The following MGAT4C variants were observed in gnomAD, a reference collection of about 807,000 sequenced individuals.
The protein encoded by MGAT4C is MGAT4 family member C, also known as alpha-1,3-mannosyl-glycoprotein 4-beta-N-acetylglucosaminyltransferase C.
A neutral mutation model predicts 40.1 loss-of-function variants in MGAT4C; 19 were observed. The observed-to-expected ratio is 0.47, with a 90% CI of 0.33 to 0.70. The LOEUF (loss-of-function observed/expected upper bound fraction) is 0.70. MGAT4C is among the 30% of genes least tolerant of loss of function. The pLI is 0.02. For synonymous variants in MGAT4C, 181 were observed against 187.1 expected (o/e 0.97, Z 0.27); for missense variants, 491 against 563.2 (o/e 0.87, Z 1.30).
intron 2 of MGAT4C, among the ~76,000 whole-genome samples, chr12:86,641,820 A>T (rs1963399297): frequency 6.6e-6 from 1 of 151,906 alleles, no homozygotes; most frequent in African/African-American, 2.4e-5. Context: ...ATTGGGAAGG[A>T]ACATTAGTAT....
chr12:85,962,273 T>G lies in MGAT4C; in HGVS notation c.*17016A>C, dbSNP rs1296324986. On this transcript the variant is annotated 3_prime_UTR_variant, in exon 5 of 5. Coordinates refer to ENST00000611864, the MANE Select transcript of MGAT4C (RefSeq NM_001351288.2). ...ATTCTGGTCTAAATATCCCAACATA[T>G]CTTTCGTTTTGAGATCTGCAGAACA... The G allele has an allele frequency of 1.3e-5, 2 of 151,550 alleles. No individual in the cohort carries two copies. Among genetic ancestry groups the G allele is most frequent in the Non-Finnish European group, 3.0e-5 (2 of 67,680 alleles). 9.4% of individuals were successfully genotyped at this position (151,550 alleles called of 1,614,324 possible). A position where few individuals can be genotyped will look rare whatever the true frequency, so the allele number is the denominator to read the frequency against.
intron 2 of MGAT4C, among the ~76,000 whole-genome samples, chr12:86,649,789 T>C (rs980825813): frequency 4.6e-5 from 7 of 151,916 alleles, no homozygotes; most frequent in Non-Finnish European, 1.0e-4. Flanking sequence ...ATCTTAATAA[T>C]ATATCTGTAG....
rs76979942 is a variant in MGAT4C at position 86,167,083 on chromosome 12, A to G, written c.-57+89156T>C. 2.0e-3 allele frequency among the ~76,000 whole-genome samples: 309 copies of G among 152,262 alleles called. 2 individuals carry two copies. Among genetic ancestry groups the G allele is most frequent in the African/African-American group, 7.0e-3 (291 of 41,564 alleles). Reference sequence around the variant, plus strand: ...AATGAAGACTATTGAGTTTATGTGAAGTGCTTAAAGTGACACTTCTAGAAA... The same window carrying G: ...AATGAAGACTATTGAGTTTATGTGAGGTGCTTAAAGTGACACTTCTAGAAA... On this transcript the variant is annotated intron_variant, in intron 1 of 4. Coordinates refer to ENST00000611864, the MANE Select transcript of MGAT4C (RefSeq NM_001351288.2).
intron 2 of MGAT4C, among the ~76,000 whole-genome samples, chr12:85,989,881 G>T (rs1592622264): frequency 6.6e-6 from 1 of 152,018 alleles, no homozygotes; most frequent in East Asian, 1.9e-4. Flanking sequence ...TAGAAAAACA[G>T]TCAAGTCCAC....
intron 1 of MGAT4C, among the ~76,000 whole-genome samples, chr12:86,737,600 T>C (rs1471717100): frequency 1.3e-5 from 2 of 151,418 alleles, no homozygotes; most frequent in Non-Finnish European, 3.0e-5. Context: ...CAGCTCCTAA[T>C]ACTTTCTGAA....
chr12:86,333,166 C>T (rs1954710448), intron 4 of MGAT4C, among the ~76,000 whole-genome samples: 1 of 152,116 alleles, frequency 6.6e-6, no homozygotes, highest in Non-Finnish European at 1.5e-5. Context: ...TTATCTGCAG[C>T]CAGGCAAACT....
chr12:86,766,582 A>C (rs902606350), intron 1 of MGAT4C, among the ~76,000 whole-genome samples: 4 of 150,124 alleles, frequency 2.7e-5, no homozygotes, highest in Admixed American at 6.7e-5. Context: ...TCAGCACCAC[A>C]CCACACCTAT....
chr12:86,447,088 T>C (rs2178748), intron 2 of MGAT4C, among the ~76,000 whole-genome samples: 135,221 of 152,046 alleles, frequency 0.89, 60,326 homozygotes, highest in East Asian at 1. Context: ...TAAATGAGTG[T>C]CCTTTTTGCT....
chr12:86,238,715 T>C (rs992146990), intron 1 of MGAT4C, among the ~76,000 whole-genome samples: 2 of 151,994 alleles, frequency 1.3e-5, no homozygotes, highest in African/African-American at 2.4e-5. Flanking sequence ...CACAAGAGAA[T>C]GAAAAAGTTA....
chr12:86,180,053 G>A, intron 1 of MGAT4C, among the ~76,000 whole-genome samples: 1 of 152,202 alleles, frequency 6.6e-6, no homozygotes, highest in East Asian at 1.9e-4. Context: ...CAGGCTCCCT[G>A]TGCTGTGTGC....
chr12:86,032,516 A>G (rs1191263749), intron 2 of MGAT4C, among the ~76,000 whole-genome samples: 3 of 149,460 alleles, frequency 2.0e-5, no homozygotes, highest in African/African-American at 7.3e-5. Context: ...AATTATTAGT[A>G]ATGTTGAGCA....
At chr12:86,571,362 T>C (rs1960354807) in intron 2 of MGAT4C, among the ~76,000 whole-genome samples, 1 of 152,106 alleles carries the variant, frequency 6.6e-6, no homozygotes, top group South Asian at 2.1e-4. Context: ...AAAGCTCTTT[T>C]GTCAGCAGTA....
At chr12:86,040,720 A>G (rs901636321) in intron 2 of MGAT4C, among the ~76,000 whole-genome samples, 8 of 122,138 alleles carry the variant, frequency 6.5e-5, no homozygotes, top group African/African-American at 2.6e-4. Context: ...ATGGAGAAAA[A>G]ACAAACAAAC....
chr12:86,131,315 C>G (rs953306758), intron 1 of MGAT4C, among the ~76,000 whole-genome samples: 4 of 151,988 alleles, frequency 2.6e-5, no homozygotes, highest in African/African-American at 9.7e-5. Context: ...CATTTCTGAT[C>G]CAGGCAAATG....
intron 4 of MGAT4C, among the ~76,000 whole-genome samples, chr12:86,291,353 A>G (rs571109828): frequency 1.3e-5 from 2 of 152,348 alleles, no homozygotes; most frequent in East Asian, 3.9e-4. Context: ...CTGGACAGCC[A>G]AGAAATAGAT....
At chr12:86,435,536 T>A (rs1957121165) in intron 2 of MGAT4C, among the ~76,000 whole-genome samples, 1 of 151,906 alleles carries the variant, frequency 6.6e-6, no homozygotes, top group Non-Finnish European at 1.5e-5. Context: ...CAATTATAAA[T>A]CAAGATGATA....
intron 2 of MGAT4C, among the ~76,000 whole-genome samples, chr12:86,632,335 G>A (rs184137697): frequency 2.6e-5 from 4 of 152,240 alleles, no homozygotes; most frequent in African/African-American, 9.6e-5. Flanking sequence ...AACCATTGTG[G>A]AAGACAGTGT....
chr12:86,615,381 T>A (rs1273432754), intron 2 of MGAT4C, among the ~76,000 whole-genome samples: 1 of 152,068 alleles, frequency 6.6e-6, no homozygotes, highest in Non-Finnish European at 1.5e-5. Flanking sequence ...CATTAGTGAT[T>A]TATTGTTGTG....
intron 2 of MGAT4C, among the ~76,000 whole-genome samples, chr12:86,482,030 C>A (rs964813878): frequency 5.4e-5 from 8 of 148,892 alleles, no homozygotes; most frequent in Admixed American, 3.4e-4. Flanking sequence ...GTAAAACAGT[C>A]CTCTTTTTTC....
Sources: allele counts gnomAD v4.1 joint callset (sites outside exome capture counted in the v4.1 genomes callset), GRCh38; gene constraint gnomAD v4.1.1; transcripts MANE v1.5; gene names NCBI Gene and HGNC (gene_info 2026-07-23, HGNC 2026-07-21).